CPA6: variants seen among roughly 807,000 people sequenced by gnomAD.
CPA6 encodes carboxypeptidase A6, also known as carboxypeptidase B.
CPA6 carries 58 observed loss-of-function variants against 63.3 expected under a neutral mutation model. The observed-to-expected ratio is 0.92, with a 90% CI of 0.74 to 1.14. The LOEUF (loss-of-function observed/expected upper bound fraction) is 1.14. Ranked by LOEUF, CPA6 falls within the 50% of genes most tolerant of loss-of-function variation. The probability of loss-of-function intolerance (pLI) is 0.00; values close to 1 mark genes in which losing one functional copy is unlikely to be tolerated. For missense variants in CPA6, 565 were observed against 526.6 expected (o/e 1.07, Z -0.71); for synonymous variants, 185 against 179.0 (o/e 1.03, Z -0.27).
intron 6 of CPA6, among the ~76,000 whole-genome samples, chr8:67,491,998 G>C (rs1320361755): frequency 6.6e-6 from 1 of 152,196 alleles, no homozygotes; most frequent in Non-Finnish European, 1.5e-5. Context: ...GTTTCCCGGT[G>C]ATAAATCTAC....
intron 1 of CPA6, among the ~76,000 whole-genome samples, chr8:67,678,229 A>ACT (rs1563389436): frequency 9.2e-6 from 1 of 108,856 alleles, no homozygotes; most frequent in African/African-American, 5.3e-5. Flanking sequence ...ACTCTGTCTC[A>ACT]CACACACACA....
At chr8:67,681,499 G>A (rs549004357) in intron 1 of CPA6, among the ~76,000 whole-genome samples, 4 of 152,024 alleles carry the variant, frequency 2.6e-5, no homozygotes, top group Non-Finnish European at 4.4e-5. Flanking sequence ...GTGAGCCACC[G>A]CGCCCGGCCA....
intron 1 of CPA6, among the ~76,000 whole-genome samples, chr8:67,699,257 A>C (rs1014647813): frequency 7.2e-5 from 11 of 152,108 alleles, no homozygotes; most frequent in African/African-American, 2.7e-4. Flanking sequence ...GTCTATCAAA[A>C]ATAAAAAAAT....
intron 2 of CPA6, among the ~76,000 whole-genome samples, chr8:67,554,143 G>T (rs1366268908): frequency 6.6e-6 from 1 of 152,138 alleles, no homozygotes; most frequent in Non-Finnish European, 1.5e-5. Context: ...AGTGTAATAG[G>T]TCATTCTTGC....
intron 2 of CPA6, among the ~76,000 whole-genome samples, chr8:67,607,024 T>C (rs2128984243): frequency 6.6e-6 from 1 of 152,190 alleles, no homozygotes; most frequent in South Asian, 2.1e-4. Flanking sequence ...GGAAGTTTCA[T>C]TAAGTAACCA....
intron 1 of CPA6, among the ~76,000 whole-genome samples, chr8:67,653,691 T>G (rs1374932363): frequency 1.6e-4 from 24 of 152,088 alleles, no homozygotes; most frequent in Admixed American, 2.6e-4. Flanking sequence ...TCTGCAAACA[T>G]GGACAATTTG....
At chr8:67,505,515 CT>C (rs200756201) in intron 6 of CPA6, among the ~76,000 whole-genome samples, 1 of 151,136 alleles carries the variant, frequency 6.6e-6, no homozygotes, top group East Asian at 1.9e-4. Flanking sequence ...TTAACTATTT[CT>C]TTTTTTTTAA....
chr8:67,701,218 C>T (rs1320867430), intron 1 of CPA6, among the ~76,000 whole-genome samples: 1 of 152,074 alleles, frequency 6.6e-6, no homozygotes, highest in Non-Finnish European at 1.5e-5. Flanking sequence ...AGATACAATC[C>T]TTGCTGCCTG....
At chr8:67,540,401 C>T (rs145279919) in intron 2 of CPA6, among the ~76,000 whole-genome samples, 66 of 152,270 alleles carry the variant, frequency 4.3e-4, no homozygotes, top group Non-Finnish European at 8.1e-4. Flanking sequence ...GGAGCACCTG[C>T]CAGATGCCAG....
intron 6 of CPA6, among the ~76,000 whole-genome samples, chr8:67,504,544 A>G (rs1811890946): frequency 6.6e-6 from 1 of 152,094 alleles, no homozygotes; most frequent in Non-Finnish European, 1.5e-5. Flanking sequence ...CTGGCCTAGG[A>G]AGAAGCTTAT....
chr8:67,629,654 T>C (rs917232265), intron 1 of CPA6, among the ~76,000 whole-genome samples: 1 of 152,168 alleles, frequency 6.6e-6, no homozygotes, highest in Non-Finnish European at 1.5e-5. Context: ...AATCAAGGAA[T>C]AGATGTTTGC....
At chr8:67,665,399 A>T (rs1249550012) in intron 1 of CPA6, among the ~76,000 whole-genome samples, 1 of 152,222 alleles carries the variant, frequency 6.6e-6, no homozygotes, top group East Asian at 1.9e-4. Context: ...CTCCAACAGA[A>T]TGGGAAAATG....
chr8:67,466,109 GT>G (rs1312079771), intron 8 of CPA6, among the ~76,000 whole-genome samples: 4 of 145,926 alleles, frequency 2.7e-5, no homozygotes, highest in African/African-American at 1.0e-4. Flanking sequence ...TTTTTGGTAG[GT>G]TTTTAATTAC....
intron 1 of CPA6, among the ~76,000 whole-genome samples, chr8:67,734,286 G>A (rs1817772649): frequency 6.6e-6 from 1 of 150,952 alleles, no homozygotes; most frequent in African/African-American, 2.4e-5. Flanking sequence ...GAAGTAATTG[G>A]AGAGTTTTTA....
At chr8:67,655,966 C>T (rs1358305800) in intron 1 of CPA6, among the ~76,000 whole-genome samples, 10 of 152,026 alleles carry the variant, frequency 6.6e-5, no homozygotes, top group Non-Finnish European at 5.9e-5. Context: ...CTTACCTGGA[C>T]GTAAAATACT....
At chr8:67,619,788 C>T (rs768769782) in intron 2 of CPA6, among the ~76,000 whole-genome samples, 1 of 152,206 alleles carries the variant, frequency 6.6e-6, no homozygotes, top group Non-Finnish European at 1.5e-5. Context: ...CTTCACTCCT[C>T]ACTTCTCAAT....
intron 1 of CPA6, among the ~76,000 whole-genome samples, chr8:67,667,239 C>T (rs1337661314): frequency 1.3e-5 from 2 of 151,432 alleles, no homozygotes; most frequent in Admixed American, 6.6e-5. Context: ...GATGTCATTT[C>T]GGATTGGGGT....
Position 67,506,842 on chromosome 8 carries a change from C to A in CPA6, c.581G>T (p.Gly194Val), listed in dbSNP as rs201589247. 1 of 1,613,538 alleles carries A rather than the reference C, an allele frequency of 6.2e-7. No homozygotes were observed. The highest frequency in any genetic ancestry group is 1.7e-5 in the Admixed American group (1 of 59,938). ...RLKRAVWIDCGIHAREWIGPA... is the reference protein window; with the variant it reads ...RLKRAVWIDCVIHAREWIGPA... Reference sequence around the variant, plus strand: ...ACCAATCCATTCTCTTGCATGAATACCACAGTCTATCCAAACAGCTCTTTT... The same window carrying A: ...ACCAATCCATTCTCTTGCATGAATAACACAGTCTATCCAAACAGCTCTTTT... The change falls in exon 6 of 11, where the codon GGT (glycine) becomes GTT (valine). Residue 194 changes from glycine (G) to valine (V), a missense_variant. Gly to Val is a moderately radical substitution (Grantham distance 109, BLOSUM62 -3). Transcript: ENST00000297770.
At chr8:67,464,701 G>C (rs191111491) in intron 8 of CPA6, among the ~76,000 whole-genome samples, 1 of 152,302 alleles carries the variant, frequency 6.6e-6, no homozygotes, top group East Asian at 1.9e-4. Flanking sequence ...GTGACAGGTA[G>C]AGGTCCAGTT....
Sources: gnomAD v4.1 joint callset for allele counts (sites outside exome capture counted in the v4.1 genomes callset) on GRCh38, gnomAD v4.1.1 for gene constraint, MANE v1.5 for transcripts, NCBI Gene and HGNC (gene_info 2026-07-23, HGNC 2026-07-21) for gene names.